IQCH: variants seen among roughly 807,000 people sequenced by gnomAD.
IQCH encodes IQ domain-containing protein H.
Under a neutral mutation model 117.0 loss-of-function variants are expected in IQCH, and 98 were observed. The observed-to-expected ratio is 0.84, with a 90% CI of 0.71 to 0.99. The LOEUF (loss-of-function observed/expected upper bound fraction) is 0.99. IQCH is among the 50% of genes least tolerant of loss of function. The probability of loss-of-function intolerance (pLI) is 0.00; values close to 1 mark genes in which losing one functional copy is unlikely to be tolerated. For synonymous variants in IQCH, 412 were observed against 448.2 expected (o/e 0.92, Z 1.02); for missense variants, 1,102 against 1,243.8 (o/e 0.89, Z 1.72).
At chr15:67,340,159 G>A (rs1969080676) in intron 5 of IQCH, among the ~76,000 whole-genome samples, 1 of 151,996 alleles carries the variant, frequency 6.6e-6, no homozygotes, top group Admixed American at 6.6e-5. Flanking sequence ...CCAGCACATT[G>A]GTTCACACCT....
intron 14 of IQCH, among the ~76,000 whole-genome samples, chr15:67,410,497 A>G (rs1390943725): frequency 6.6e-6 from 1 of 152,240 alleles, no homozygotes; most frequent in Non-Finnish European, 1.5e-5. Context: ...CTCATCTGGT[A>G]GCATTCTCAG....
intron 16 of IQCH, among the ~76,000 whole-genome samples, chr15:67,440,381 G>A (rs1056766360): frequency 2.6e-5 from 4 of 152,000 alleles, no homozygotes; most frequent in African/African-American, 7.2e-5. Flanking sequence ...AGTCAGCATC[G>A]CCCTAATACC....
At position 67,301,178 on chromosome 15, in the gene IQCH, A is replaced by T. The variant is rs970080462; in HGVS notation, c.387+21666A>T. 2.0e-5 allele frequency among the ~76,000 whole-genome samples: 3 copies of T among 152,154 alleles called. No homozygotes were observed. In the South Asian group the frequency reaches 6.2e-4, roughly 32 times the overall value. Reference sequence around the variant, plus strand: ...ATATTTATCTTACTGTTGGTAAAAAATGATCATCTTCCAGAGCATACTTTC... The same window carrying T: ...ATATTTATCTTACTGTTGGTAAAAATTGATCATCTTCCAGAGCATACTTTC... On this transcript the variant is annotated intron_variant, in intron 4 of 20. Transcript: ENST00000335894.
chr15:67,455,631 T>A (rs773437331), intron 16 of IQCH, among the ~76,000 whole-genome samples: 2 of 152,142 alleles, frequency 1.3e-5, no homozygotes, highest in Non-Finnish European at 2.9e-5. Context: ...ACGATGGTCA[T>A]CGAAGGCTGT....
Position 67,331,449 on chromosome 15 carries a change from A to C in IQCH, c.388-5526A>C, listed in dbSNP as rs1348608. Reference sequence around the variant, plus strand: ...ACCAGAATACTTTATGGAACTCATAAATAAACTATAAATACAATGAACATA... The same window carrying C: ...ACCAGAATACTTTATGGAACTCATACATAAACTATAAATACAATGAACATA... On this transcript the variant is annotated intron_variant, in intron 4 of 20. Transcript: ENST00000335894. Among the ~76,000 whole-genome samples, 784 of 151,970 alleles carry C rather than the reference A, an allele frequency of 5.2e-3. 6 individuals are homozygous for C. The highest frequency in any genetic ancestry group is 0.018 in the African/African-American group (741 of 41,546).
At chr15:67,263,439 C>T (rs889969555) in intron 3 of IQCH, among the ~76,000 whole-genome samples, 1 of 152,058 alleles carries the variant, frequency 6.6e-6, no homozygotes, top group Admixed American at 6.5e-5. Context: ...ACACCATCAA[C>T]AGTAGATACA....
intron 4 of IQCH, among the ~76,000 whole-genome samples, chr15:67,289,429 CA>C: frequency 6.6e-6 from 1 of 152,018 alleles, no homozygotes; most frequent in Non-Finnish European, 1.5e-5. Flanking sequence ...GTAGAACTAA[CA>C]CGACTTGATC....
In IQCH at chr15:67,500,960, TGA is replaced by T. The variant is rs1404623049; in HGVS notation, c.*218_*219del. On this transcript the variant is annotated 3_prime_UTR_variant, in exon 21 of 21. Transcript: ENST00000335894. The surrounding 1 kb of genome is among the most constrained non-coding windows in gnomAD (Gnocchi z 4.4). ...ACCAAAACTTATTTGTGTTTTCATT[TGA>T]GAGTGTTGAACAATCCCTTCTTCTT... The T allele has an allele frequency of 8.9e-6, 3 of 335,498 alleles. No homozygotes were observed. The highest frequency in any genetic ancestry group is 5.0e-5 in the East Asian group (1 of 20,190). 20.8% of individuals were successfully genotyped at this position (335,498 alleles called of 1,614,324 possible).
chr15:67,258,503 C>A (rs552341316), intron 1 of IQCH, among the ~76,000 whole-genome samples: 67 of 147,112 alleles, frequency 4.6e-4, no homozygotes, highest in Non-Finnish European at 8.5e-4. Context: ...TGCACTCCAG[C>A]CTGGGGGACA....
At position 67,459,116 on chromosome 15, in the gene IQCH, A is replaced by G. The variant is rs2082728855; in HGVS notation, c.2506-6011A>G. Reference sequence around the variant, plus strand: ...AGGCAACTTCTTTTGGGTCACAGATATTTGTCTCAGACCCTGATACCAAAA... The same window carrying G: ...AGGCAACTTCTTTTGGGTCACAGATGTTTGTCTCAGACCCTGATACCAAAA... On this transcript the variant is annotated intron_variant, in intron 16 of 20. Transcript: ENST00000335894. The surrounding 1 kb of genome is among the most constrained non-coding windows in gnomAD (Gnocchi z 4.2). Among the ~76,000 whole-genome samples, 2 of 152,146 alleles carry G rather than the reference A, an allele frequency of 1.3e-5. No homozygotes were observed.
chr15:67,385,079 G>GA lies in IQCH; in HGVS notation c.1456+62dup. The GA allele has an allele frequency of 9.5e-7, 1 of 1,052,356 alleles. No homozygotes were observed. Among genetic ancestry groups the GA allele is most frequent in the South Asian group, 1.3e-5 (1 of 74,206 alleles). 65.2% of individuals were successfully genotyped at this position (1,052,356 alleles called of 1,614,324 possible). On this transcript the variant is annotated intron_variant, in intron 11 of 20. Transcript: ENST00000335894. This position sits in a 1 kb window ranked among gnomAD's most constrained non-coding sequence, Gnocchi z 4.6. ...GAATGTTTATCAGTGGATGTTGATAGAATGTGTTGTTTTGTTTGTTTGTTT... is the reference window on the plus strand; with the variant it reads ...GAATGTTTATCAGTGGATGTTGATAGAAATGTGTTGTTTTGTTTGTTTGTTT...
At chr15:67,421,119 A>G (rs2081727451) in intron 15 of IQCH, 172 bp from the exon 16 acceptor site, 5 of 613,718 alleles carry the variant, frequency 8.1e-6, no homozygotes, top group Non-Finnish European at 1.4e-5. Flanking sequence ...AAGATGCACA[A>G]CAATCTAATG....
intron 4 of IQCH, among the ~76,000 whole-genome samples, chr15:67,325,148 T>C (rs1055441441): frequency 6.6e-6 from 1 of 152,156 alleles, no homozygotes; most frequent in African/African-American, 2.4e-5. Context: ...TATTGATTGC[T>C]CTTCAAGTTC....
At chr15:67,346,085 C>T (rs893968335) in intron 6 of IQCH, among the ~76,000 whole-genome samples, 3 of 151,356 alleles carry the variant, frequency 2.0e-5, no homozygotes, top group Non-Finnish European at 4.4e-5. Context: ...ACCATACAAA[C>T]AATAATGAAA....
At position 67,413,895 on chromosome 15, in the gene IQCH, G is replaced by A. The variant is rs749077647; in HGVS notation, c.2098-3036G>A. ...TTTGTGCACAGTGAAAACTCCAAGC[G>A]TCAAAGCAGAATGGCTGGCTTTGTG... On this transcript the variant is annotated intron_variant, in intron 14 of 20. Transcript: ENST00000335894. This position sits in a 1 kb window ranked among gnomAD's most constrained non-coding sequence, Gnocchi z 5.0. Among the ~76,000 whole-genome samples the A allele has an allele frequency of 1.3e-5, 2 of 152,170 alleles. No homozygotes were observed. The highest frequency in any genetic ancestry group is 1.9e-4 in the East Asian group (1 of 5,190).
chr15:67,372,895 C>G (rs554984638), intron 9 of IQCH, among the ~76,000 whole-genome samples: 5 of 151,190 alleles, frequency 3.3e-5, no homozygotes, highest in African/African-American at 7.3e-5. Flanking sequence ...AAATCTGTTG[C>G]AATTTTTCTA....
At position 67,479,758 on chromosome 15, in the gene IQCH, C is replaced by T. The variant is rs552954332; in HGVS notation, c.2799+3940C>T. Among the ~76,000 whole-genome samples, 16 of 152,302 alleles carry T rather than the reference C, an allele frequency of 1.1e-4. No homozygotes were observed. The highest frequency in any genetic ancestry group is 3.1e-4 in the African/African-American group (13 of 41,564). ...CAGAAAAAGAAAGCAACATTAATAA[C>T]ACATCATTGTCAGTGCTACCAAAAG... On this transcript the variant is annotated intron_variant, in intron 18 of 20. Coordinates refer to ENST00000335894, the MANE Select transcript of IQCH (RefSeq NM_001031715.3). This position sits in a 1 kb window ranked among gnomAD's most constrained non-coding sequence, Gnocchi z 4.6.
rs532385922 is a variant in IQCH, at chr15:67,474,341, C to T, written c.2677-1355C>T. The stretch of plus-strand genomic sequence containing the variant: ...GGTACCTAGTTGCCCAGCACCTGTG[C>T]GTCACCACAGTTCAAGAGCCAAGCC... On this transcript the variant is annotated intron_variant, in intron 17 of 20. Coordinates refer to ENST00000335894, the MANE Select transcript of IQCH (RefSeq NM_001031715.3). This position sits in a 1 kb window ranked among gnomAD's most constrained non-coding sequence, Gnocchi z 4.1. 2.0e-5 allele frequency among the ~76,000 whole-genome samples: 3 copies of T among 152,214 alleles called. No individual in the cohort carries two copies. Among genetic ancestry groups the T allele is most frequent in the East Asian group, 1.9e-4 (1 of 5,182 alleles).
chr15:67,329,439 A>C (rs1372743844), intron 4 of IQCH, among the ~76,000 whole-genome samples: 1 of 152,174 alleles, frequency 6.6e-6, no homozygotes, highest in Admixed American at 6.5e-5. Flanking sequence ...AAGAACAGTG[A>C]TGGTGAATTT....
Sources: allele counts gnomAD v4.1 joint callset (sites outside exome capture counted in the v4.1 genomes callset), GRCh38; gene constraint gnomAD v4.1.1; non-coding constraint Gnocchi (gnomAD v3.1); transcripts MANE v1.5; gene names NCBI Gene and HGNC (gene_info 2026-07-23, HGNC 2026-07-21).